Variants in ITPKB observed in about 807,000 individuals in gnomAD.
ITPKB encodes inositol-trisphosphate 3-kinase B.
Under a neutral mutation model 69.4 loss-of-function variants are expected in ITPKB, and 13 were observed. The observed-to-expected ratio is 0.19, with a 90% confidence interval of 0.12 to 0.30. ITPKB has a LOEUF of 0.30. Ranked by LOEUF, ITPKB falls within the 10% of genes least tolerant of loss-of-function variation. ITPKB has a pLI of 1.00. For synonymous variants in ITPKB, 584 were observed against 513.7 expected (o/e 1.14, Z -1.85); for missense variants, 1,240 against 1,250.5 (o/e 0.99, Z 0.13).
In ITPKB at chr1:226,738,306, G is replaced by C. The variant is rs1174702187; in HGVS notation, c.-205-643C>G. On this transcript the variant is annotated intron_variant, in intron 1 of 7. Transcript: ENST00000429204. This position sits in a 1 kb window ranked among gnomAD's most constrained non-coding sequence, Gnocchi z 4.2. ...CGGCCTACGAAGGCCTGGGCGGGCA[G>C]CGGGGCCGCAGCCGAAGCATTTTTC... Among the ~76,000 whole-genome samples, 1 of 152,194 alleles carries C rather than the reference G, an allele frequency of 6.6e-6. No individual in the cohort carries two copies. Among genetic ancestry groups the C allele is most frequent in the Non-Finnish European group, 1.5e-5 (1 of 68,020 alleles).
At chr1:226,656,711 G>C (rs144667943) in intron 2 of ITPKB, 1 of 152,270 alleles carries the variant, frequency 6.6e-6, no homozygotes, top group Non-Finnish European at 1.5e-5. Context: ...GGATGATGAC[G>C]CAGAATGCAA....
intron 2 of ITPKB, 147 bp downstream of exon 2, chr1:226,735,380 T>C (rs1657713021): frequency 2.3e-6 from 2 of 870,874 alleles, no homozygotes; most frequent in Non-Finnish European, 3.2e-6. Flanking sequence ...CAAACACACC[T>C]GGACAGAATT....
chr1:226,637,560 C>T lies in ITPKB; in HGVS notation c.2625+119G>A. 1.3e-6 allele frequency: 1 copy of T among 773,412 alleles called. No individual in the cohort carries two copies. The highest frequency in any genetic ancestry group is 2.1e-5 in the Admixed American group (1 of 47,668). 47.9% of individuals were successfully genotyped at this position (773,412 alleles called of 1,614,324 possible). A position where few individuals can be genotyped will look rare whatever the true frequency, so the allele number is the denominator to read the frequency against. On this transcript the variant is annotated intron_variant, in intron 7 of 7. Transcript: ENST00000429204. The surrounding 1 kb of genome is among the most constrained non-coding windows in gnomAD (Gnocchi z 4.3). ...GCAGCGAGGGTCTGGTCCCTGATGG[C>T]CTGCCTCTGGCTGCACCACCCTGAA...
chr1:226,728,384 A>C (rs1657485741), intron 2 of ITPKB, among the ~76,000 whole-genome samples: 1 of 152,202 alleles, frequency 6.6e-6, no homozygotes. Context: ...TTCTTAATGG[A>C]GTTGTTGAGA....
intron 2 of ITPKB, among the ~76,000 whole-genome samples, chr1:226,668,283 T>C (rs1320361549): frequency 6.6e-6 from 1 of 152,228 alleles, no homozygotes; most frequent in East Asian, 1.9e-4. Flanking sequence ...AAATAACTCA[T>C]ATTAATAGTT....
At chr1:226,731,497 T>C (rs977854274) in intron 2 of ITPKB, among the ~76,000 whole-genome samples, 1 of 152,252 alleles carries the variant, frequency 6.6e-6, no homozygotes, top group Non-Finnish European at 1.5e-5. Flanking sequence ...TGTCGCATTT[T>C]CTGATACCCT....
rs1254288104 is a variant in ITPKB at position 226,738,468 on chromosome 1, G to A, written c.-206+573C>T. Among the ~76,000 whole-genome samples, 1 of 152,218 alleles carries A rather than the reference G, an allele frequency of 6.6e-6. No individual in the cohort carries two copies. The highest frequency in any genetic ancestry group is 1.5e-5 in the Non-Finnish European group (1 of 68,028). On this transcript the variant is annotated intron_variant, in intron 1 of 7. Transcript: ENST00000429204. The surrounding 1 kb of genome is among the most constrained non-coding windows in gnomAD (Gnocchi z 4.2). The stretch of plus-strand genomic sequence containing the variant: ...CCCCTATGGGGGGGTGTCTGTGAGT[G>A]TGTGTGTATACACGCGTGTGTGTAT...
chr1:226,648,619 C>A, intron 3 of ITPKB, 53 bp downstream of exon 3: 1 of 1,131,644 alleles, frequency 8.8e-7, no homozygotes, highest in Non-Finnish European at 1.4e-6. Flanking sequence ...TCCAGGGCAC[C>A]TCCCCAGAGG....
At chr1:226,695,969 G>A (rs1429782759) in intron 2 of ITPKB, among the ~76,000 whole-genome samples, 1 of 152,160 alleles carries the variant, frequency 6.6e-6, no homozygotes, top group East Asian at 1.9e-4. Flanking sequence ...GCAGAGCAGA[G>A]GGAAAAGACT....
chr1:226,661,189 G>C (rs1456699276), intron 2 of ITPKB, among the ~76,000 whole-genome samples: 1 of 152,250 alleles, frequency 6.6e-6, no homozygotes, highest in Non-Finnish European at 1.5e-5. Context: ...TGGGGAGCTA[G>C]AGTTGCTTAA....
chr1:226,652,484 G>C (rs1214110529), intron 2 of ITPKB, among the ~76,000 whole-genome samples: 1 of 152,224 alleles, frequency 6.6e-6, no homozygotes, highest in African/African-American at 2.4e-5. Context: ...CCCACCCAGA[G>C]GGGTTTATCC....
chr1:226,674,742 C>T (rs1344286697), intron 2 of ITPKB, among the ~76,000 whole-genome samples: 9 of 152,100 alleles, frequency 5.9e-5, no homozygotes, highest in Non-Finnish European at 1.0e-4. Context: ...CATTCCCTTT[C>T]GATTTCTTCA....
At chr1:226,729,573 T>G (rs1571879338) in intron 2 of ITPKB, among the ~76,000 whole-genome samples, 3 of 151,868 alleles carry the variant, frequency 2.0e-5, no homozygotes, top group Admixed American at 2.0e-4. Flanking sequence ...GAAAAGTTTT[T>G]GTTTTGTTTT....
rs551293793 is a variant in ITPKB, at chr1:226,674,623, C to A, written c.1933-25852G>T. ...TGCTGGGATTAAAGGAGTGAGCCAC[C>A]ACACCCAGCCACAAGTTTTAGATAC... On this transcript the variant is annotated intron_variant, in intron 2 of 7. Transcript: ENST00000429204. Among the ~76,000 whole-genome samples, 3 of 152,248 alleles carry A rather than the reference C, an allele frequency of 2.0e-5. No individual in the cohort carries two copies. The South Asian group carries it at 6.2e-4, about 32-fold the overall frequency.
In ITPKB at chr1:226,723,268, T is replaced by C. The variant is rs55693246; in HGVS notation, c.1932+12259A>G. On this transcript the variant is annotated intron_variant, in intron 2 of 7. Transcript: ENST00000429204. ...TGTGACTTGGGAAGTCCTGGGTAGG[T>C]TCTCTGTGGCTCACTTCAAGAGGAG... Among the ~76,000 whole-genome samples, 654 of 152,022 alleles carry C rather than the reference T, an allele frequency of 4.3e-3. 2 individuals are homozygous for C. The highest frequency in any genetic ancestry group is 0.015 in the African/African-American group (607 of 41,474).
intron 2 of ITPKB, among the ~76,000 whole-genome samples, chr1:226,713,615 T>C (rs1224839070): frequency 2.0e-5 from 3 of 152,214 alleles, no homozygotes; most frequent in African/African-American, 7.2e-5. Context: ...GTTCGGGGTT[T>C]ACTAAAATCA....
At chr1:226,645,737 C>T (rs575113078) in intron 4 of ITPKB, among the ~76,000 whole-genome samples, 2 of 151,794 alleles carry the variant, frequency 1.3e-5, no homozygotes, top group Non-Finnish European at 2.9e-5. Flanking sequence ...GCAAAGGCCT[C>T]GGGCTGGCTG....
In ITPKB at chr1:226,642,230, C is replaced by T. The variant is rs936616632; in HGVS notation, c.2247-105G>A. On this transcript the variant is annotated intron_variant, in intron 4 of 7. Transcript: ENST00000429204. This position sits in a 1 kb window ranked among gnomAD's most constrained non-coding sequence, Gnocchi z 6.4. ...AAGGTTTGGGGCGTGTGTTGCCCAA[C>T]AGCTGCAGTCAGCTCAGTGCCCTGA... 4.7e-6 allele frequency: 4 copies of T among 854,240 alleles called. No individual in the cohort carries two copies. The African/African-American group carries it at 5.1e-5, about 11-fold the overall frequency. 52.9% of individuals were successfully genotyped at this position (854,240 alleles called of 1,614,324 possible). A position where few individuals can be genotyped will look rare whatever the true frequency, so the allele number is the denominator to read the frequency against.
chr1:226,717,036 G>A (rs1385797286), intron 2 of ITPKB, among the ~76,000 whole-genome samples: 4 of 152,090 alleles, frequency 2.6e-5, no homozygotes, highest in Non-Finnish European at 5.9e-5. Flanking sequence ...CTGAAATGAG[G>A]ACTAAGATGC....
Sources: gnomAD v4.1 joint callset for allele counts (sites outside exome capture counted in the v4.1 genomes callset) on GRCh38, gnomAD v4.1.1 for gene constraint, Gnocchi (gnomAD v3.1) non-coding constraint, MANE v1.5 for transcripts, NCBI Gene and HGNC (gene_info 2026-07-23, HGNC 2026-07-21) for gene names.